The following NDST4 variants were observed in gnomAD, a reference collection of about 807,000 sequenced individuals.
NDST4 encodes N-heparan sulfate sulfotransferase 4.
A neutral mutation model predicts 100.8 loss-of-function variants in NDST4; 63 were observed. The observed-to-expected ratio is 0.62, with a 90% CI of 0.51 to 0.77. The LOEUF (loss-of-function observed/expected upper bound fraction) is 0.77, where lower values mean the gene tolerates loss of function less well. Among genes scored for constraint, NDST4 ranks in the 30% least tolerant of loss-of-function variants. NDST4 has a pLI of 0.00. For synonymous variants in NDST4, 377 were observed against 361.8 expected, an observed-to-expected ratio of 1.04 and a Z score of -0.48; for missense variants, 943 against 1,018.4, an observed-to-expected ratio of 0.93 and a Z score of 1.01.
At chr4:114,951,825 A>G (rs1214730635) in intron 4 of NDST4, among the ~76,000 whole-genome samples, 1 of 152,128 alleles carries the variant, frequency 6.6e-6, no homozygotes, top group Non-Finnish European at 1.5e-5. Flanking sequence ...TCACACAGGG[A>G]GGAGCCTTTA....
intron 2 of NDST4, among the ~76,000 whole-genome samples, chr4:115,008,281 T>C (rs1403466682): frequency 7.7e-6 from 1 of 129,592 alleles, no homozygotes; most frequent in African/African-American, 2.9e-5. Context: ...CTTTAGTTGA[T>C]GCAGTTTCTT....
intron 2 of NDST4, among the ~76,000 whole-genome samples, chr4:115,046,769 G>T (rs1210789383): frequency 6.6e-6 from 1 of 152,060 alleles, no homozygotes; most frequent in Admixed American, 6.6e-5. Flanking sequence ...TGTGGTGATG[G>T]AGGAATCACA....
At chr4:114,986,458 T>A (rs1419864724) in intron 2 of NDST4, among the ~76,000 whole-genome samples, 1 of 152,122 alleles carries the variant, frequency 6.6e-6, no homozygotes, top group African/African-American at 2.4e-5. Flanking sequence ...GACGAGCTTC[T>A]GCTTCTGTTT....
chr4:114,987,493 T>A (rs1382675628), intron 2 of NDST4, among the ~76,000 whole-genome samples: 1 of 152,188 alleles, frequency 6.6e-6, no homozygotes, highest in African/African-American at 2.4e-5. Flanking sequence ...TTGAGCTACC[T>A]TCTTCTTCAA....
At chr4:115,108,511 T>C (rs1285620292) in intron 1 of NDST4, among the ~76,000 whole-genome samples, 2 of 151,982 alleles carry the variant, frequency 1.3e-5, no homozygotes, top group Admixed American at 1.3e-4. Flanking sequence ...AACTACTAGA[T>C]ATAAAAATGA....
At chr4:115,018,089 T>C (rs1419594426) in intron 2 of NDST4, among the ~76,000 whole-genome samples, 3 of 151,978 alleles carry the variant, frequency 2.0e-5, no homozygotes, top group Non-Finnish European at 2.9e-5. Flanking sequence ...CAAAATGCTG[T>C]TGAAGCATGC....
intron 2 of NDST4, among the ~76,000 whole-genome samples, chr4:115,056,622 A>G (rs1308973383): frequency 6.6e-6 from 1 of 152,058 alleles, no homozygotes; most frequent in Admixed American, 6.6e-5. Context: ...ATAGAATGCC[A>G]CTCTCACAAT....
chr4:114,829,591 T>C (rs1181857146), intron 13 of NDST4, among the ~76,000 whole-genome samples, 199 bp downstream of exon 13: 1 of 152,212 alleles, frequency 6.6e-6, no homozygotes, highest in Non-Finnish European at 1.5e-5. Context: ...GGAATGTATA[T>C]TAATTTTAGT....
At chr4:114,842,618 TAAAAAAAAAAAAAA>T (rs71584042) in intron 10 of NDST4, 1,585 of 41,220 alleles carry the variant, frequency 0.038, 37 homozygotes, top group Non-Finnish European at 0.056. Context: ...CAGTCTCTAC[TAAAAAAAAAAAAAA>T]AAAAAAAAAA....
chr4:114,864,207 T>G (rs1443975994), intron 7 of NDST4, among the ~76,000 whole-genome samples: 1 of 152,196 alleles, frequency 6.6e-6, no homozygotes, highest in Non-Finnish European at 1.5e-5. Flanking sequence ...CTAGGACATT[T>G]CTAGACCTTA....
At chr4:114,934,586 A>T (rs1725586566) in intron 6 of NDST4, among the ~76,000 whole-genome samples, 1 of 150,998 alleles carries the variant, frequency 6.6e-6, no homozygotes, top group African/African-American at 2.4e-5. Flanking sequence ...AATAAAAAAA[A>T]TAAAAATAAA....
chr4:115,055,034 G>A (rs933978443), intron 2 of NDST4, among the ~76,000 whole-genome samples: 2 of 151,968 alleles, frequency 1.3e-5, no homozygotes, highest in Admixed American at 6.6e-5. Context: ...ATTATCACCC[G>A]AGCGCCACAT....
At chr4:114,928,675 C>A (rs1297779750) in intron 6 of NDST4, among the ~76,000 whole-genome samples, 3 of 152,122 alleles carry the variant, frequency 2.0e-5, no homozygotes, top group African/African-American at 7.2e-5. Flanking sequence ...GTCCAGTGCA[C>A]AACCCCTGTA....
intron 7 of NDST4, among the ~76,000 whole-genome samples, chr4:114,867,507 C>T (rs952103470): frequency 4.6e-5 from 7 of 151,896 alleles, no homozygotes; most frequent in African/African-American, 1.4e-4. Context: ...GATAGTGAGA[C>T]TCTGGAGTGA....
At chr4:114,933,352 C>T (rs1725552625) in intron 6 of NDST4, among the ~76,000 whole-genome samples, 1 of 151,242 alleles carries the variant, frequency 6.6e-6, no homozygotes, top group African/African-American at 2.4e-5. Flanking sequence ...AAATCAAATA[C>T]CTGAAACTGG....
At chr4:114,875,078 C>A (rs1244775407) in intron 6 of NDST4, among the ~76,000 whole-genome samples, 1 of 152,072 alleles carries the variant, frequency 6.6e-6, no homozygotes, top group African/African-American at 2.4e-5. Flanking sequence ...GAAAGGAAAT[C>A]TTGTTCAATG....
chr4:114,861,307 T>G (rs1309298371), intron 7 of NDST4, among the ~76,000 whole-genome samples: 5 of 152,238 alleles, frequency 3.3e-5, no homozygotes, highest in African/African-American at 1.2e-4. Context: ...CCTCAGTTCC[T>G]TATTTATAAA....
chr4:114,933,432 CTTTTTTTTT>C (rs367931653), intron 6 of NDST4, among the ~76,000 whole-genome samples: 3 of 89,278 alleles, frequency 3.4e-5, no homozygotes, highest in Admixed American at 2.7e-4. Context: ...TTTTCTTTTC[CTTTTTTTTT>C]TTTTTTTTTT....
chr4:114,845,365 G>A (rs1211928451), intron 10 of NDST4, among the ~76,000 whole-genome samples: 3 of 152,098 alleles, frequency 2.0e-5, no homozygotes, highest in African/African-American at 7.2e-5. Context: ...TAAGTTGTTG[G>A]ACTGTTGTTT....
Sources: allele counts gnomAD v4.1 joint callset (sites outside exome capture counted in the v4.1 genomes callset), GRCh38; gene constraint gnomAD v4.1.1; transcripts MANE v1.5; gene names NCBI Gene and HGNC (gene_info 2026-07-23, HGNC 2026-07-21).